ABCD3: variants seen among roughly 807,000 people sequenced by gnomAD.
ABCD3 encodes the protein ATP binding cassette subfamily D member 3, also known as ATP-binding cassette sub-family D member 3.
Under a neutral mutation model 105.5 loss-of-function variants are expected in ABCD3, and 41 were observed. The observed-to-expected ratio is 0.39, with a 90% CI of 0.30 to 0.50. The LOEUF is 0.50. ABCD3 is among the 20% of genes least tolerant of loss of function. The probability of loss-of-function intolerance (pLI) is 0.84; values close to 1 mark genes in which losing one functional copy is unlikely to be tolerated. For synonymous variants in ABCD3, 258 were observed against 269.0 expected (o/e 0.96, Z 0.40); for missense variants, 622 against 806.3 (o/e 0.77, Z 2.77).
At chr1:94,458,875 C>G (rs1008119722) in intron 2 of ABCD3, among the ~76,000 whole-genome samples, 1 of 149,662 alleles carries the variant, frequency 6.7e-6, no homozygotes. Context: ...TTAGTTTCCC[C>G]CCCTCTTCTA....
chr1:94,453,405 G>A (rs1414832587), intron 1 of ABCD3, among the ~76,000 whole-genome samples: 3 of 149,402 alleles, frequency 2.0e-5, no homozygotes, highest in South Asian at 2.1e-4. Flanking sequence ...TGCAGGCTCC[G>A]CCTCCCGGGT....
At chr1:94,465,988 C>T (rs1378844554) in intron 3 of ABCD3, among the ~76,000 whole-genome samples, 2 of 151,764 alleles carry the variant, frequency 1.3e-5, no homozygotes, top group African/African-American at 4.8e-5. Flanking sequence ...ACGTACATTC[C>T]TTCATCATGC....
At chr1:94,468,331 A>G (rs376342706) in intron 4 of ABCD3, among the ~76,000 whole-genome samples, 37 of 152,306 alleles carry the variant, frequency 2.4e-4, no homozygotes, top group African/African-American at 8.9e-4. Context: ...ATTCTAAAAA[A>G]CCACCAAGTT....
chr1:94,408,270 T>C, the ABCD3 span, among the ~76,000 whole-genome samples: 1 of 152,014 alleles, frequency 6.6e-6, no homozygotes, highest in Admixed American at 6.6e-5. Flanking sequence ...GGGATCAGGG[T>C]AGCAGATTAG....
intron 1 of ABCD3, among the ~76,000 whole-genome samples, chr1:94,429,094 CTT>C (rs1198094216): frequency 6.6e-6 from 1 of 152,144 alleles, no homozygotes; most frequent in East Asian, 1.9e-4. Flanking sequence ...AAAGGTGACT[CTT>C]GTTATGTTTT....
At chr1:94,496,867 A>T (rs560757535) in intron 16 of ABCD3, among the ~76,000 whole-genome samples, 1 of 151,030 alleles carries the variant, frequency 6.6e-6, no homozygotes, top group East Asian at 1.9e-4. Flanking sequence ...TCTCGGGTTC[A>T]AGCAATTCTC....
At chr1:94,509,262 G>C (rs1245949113) in intron 21 of ABCD3, among the ~76,000 whole-genome samples, 2 of 152,214 alleles carry the variant, frequency 1.3e-5, no homozygotes, top group East Asian at 3.9e-4. Flanking sequence ...TTTTGTCTTT[G>C]GTTCTGTTTA....
chr1:94,497,845 T>C (rs148012540), intron 16 of ABCD3, among the ~76,000 whole-genome samples: 3 of 152,292 alleles, frequency 2.0e-5, no homozygotes, highest in Non-Finnish European at 2.9e-5. Context: ...TGGAAGATGC[T>C]TGAGGCATTA....
chr1:94,409,949 A>G, the ABCD3 span, among the ~76,000 whole-genome samples: 1 of 152,244 alleles, frequency 6.6e-6, no homozygotes, highest in East Asian at 1.9e-4. Context: ...ATAACCAGTC[A>G]AACTAAGCTT....
At chr1:94,416,951 A>G (rs1659041065), upstream of ABCD3, among the ~76,000 whole-genome samples, 1 of 152,240 alleles carries the variant, frequency 6.6e-6, no homozygotes. Context: ...TCACATTTCT[A>G]CATAGCTGTC....
chr1:94,430,754 A>G (rs972119041), intron 1 of ABCD3, among the ~76,000 whole-genome samples: 2 of 152,200 alleles, frequency 1.3e-5, no homozygotes, highest in African/African-American at 2.4e-5. Flanking sequence ...CTCAGAGGAT[A>G]AGGACAACAA....
chr1:94,410,068 C>G, the ABCD3 span, among the ~76,000 whole-genome samples: 2 of 152,154 alleles, frequency 1.3e-5, no homozygotes, highest in African/African-American at 2.4e-5. Context: ...TGTATAGTGG[C>G]TACAATTTGC....
intron 22 of ABCD3, among the ~76,000 whole-genome samples, chr1:94,516,381 A>G (rs1329357350): frequency 6.6e-6 from 1 of 151,990 alleles, no homozygotes; most frequent in East Asian, 1.9e-4. Flanking sequence ...TTTTTCATGA[A>G]CTGAGCAGGA....
At chr1:94,491,337 G>T (rs1397944760) in intron 16 of ABCD3, 90 bp downstream of exon 16, 8 of 953,524 alleles carry the variant, frequency 8.4e-6, no homozygotes, top group Non-Finnish European at 1.2e-5. Context: ...TAACTTTAAG[G>T]CTCGACTTAG....
intron 16 of ABCD3, 146 bp downstream of exon 16, chr1:94,491,393 C>T (rs903153782): frequency 1.5e-6 from 1 of 670,794 alleles, no homozygotes; most frequent in South Asian, 2.0e-5. Context: ...CTTTGAAACG[C>T]TTAGAAATCT....
chr1:94,443,735 G>T (rs1421506263), intron 1 of ABCD3, among the ~76,000 whole-genome samples: 1 of 152,112 alleles, frequency 6.6e-6, no homozygotes, highest in Non-Finnish European at 1.5e-5. Flanking sequence ...ATTGAATGGG[G>T]TGTCCTTTCC....
intron 21 of ABCD3, among the ~76,000 whole-genome samples, chr1:94,510,633 T>C (rs1343083630): frequency 1.3e-5 from 2 of 152,098 alleles, no homozygotes; most frequent in African/African-American, 4.8e-5. Flanking sequence ...CTAAGTCTCT[T>C]TGTAGGTCGC....
At chr1:94,466,946 A>G (rs1282094184) in intron 3 of ABCD3, among the ~76,000 whole-genome samples, 1 of 152,096 alleles carries the variant, frequency 6.6e-6, no homozygotes, top group African/African-American at 2.4e-5. Flanking sequence ...AATTTAGAAA[A>G]TTTAAGATCA....
chr1:94,436,377 A>C (rs1432436235), intron 1 of ABCD3, among the ~76,000 whole-genome samples: 1 of 152,176 alleles, frequency 6.6e-6, no homozygotes, highest in African/African-American at 2.4e-5. Context: ...CACTTTACAC[A>C]CTCAGTGTTC....
Sources: allele counts gnomAD v4.1 joint callset (sites outside exome capture counted in the v4.1 genomes callset), GRCh38; gene constraint gnomAD v4.1.1; transcripts MANE v1.5; gene names NCBI Gene and HGNC (gene_info 2026-07-23, HGNC 2026-07-21).